The following GRHL2 variants were observed in gnomAD, a reference collection of about 807,000 sequenced individuals.
GRHL2 encodes grainyhead like transcription factor 2, also known as grainyhead-like protein 2 homolog.
GRHL2 carries 21 observed loss-of-function variants against 83.8 expected under a neutral mutation model. The observed-to-expected ratio is 0.25, with a 90% CI of 0.18 to 0.36. The LOEUF is 0.36. Ranked by LOEUF, GRHL2 falls within the 10% of genes least tolerant of loss-of-function variation. The probability of loss-of-function intolerance (pLI) is 1.00; values close to 1 mark genes in which losing one functional copy is unlikely to be tolerated. For synonymous variants in GRHL2, 280 were observed against 278.9 expected (o/e 1.00, Z -0.04); for missense variants, 623 against 781.8 (o/e 0.80, Z 2.42).
chr8:101,608,631 A>C (rs1324885115), intron 8 of GRHL2, among the ~76,000 whole-genome samples: 1 of 151,484 alleles, frequency 6.6e-6, no homozygotes, highest in African/African-American at 2.4e-5. Flanking sequence ...TTAAAATTTC[A>C]AGTGAAAAGT....
chr8:101,662,869 A>ATATG (rs1813952892), intron 14 of GRHL2, among the ~76,000 whole-genome samples: 4 of 118,364 alleles, frequency 3.4e-5, no homozygotes, highest in African/African-American at 1.1e-4. Context: ...ACATATATAT[A>ATATG]CATATATATA....
At chr8:101,537,138 G>C (rs555170094) in intron 1 of GRHL2, among the ~76,000 whole-genome samples, 13 of 152,258 alleles carry the variant, frequency 8.5e-5, no homozygotes, top group African/African-American at 3.1e-4. Context: ...AGTATTCCAT[G>C]ATGTATATGT....
intron 1 of GRHL2, among the ~76,000 whole-genome samples, chr8:101,533,118 G>A (rs1026672142): frequency 6.6e-6 from 1 of 152,040 alleles, no homozygotes; most frequent in African/African-American, 2.4e-5. Flanking sequence ...CACATTTAAG[G>A]AGAATAGAAG....
In GRHL2 at chr8:101,532,735, C is replaced by T. The variant is rs546030205; in HGVS notation, c.21-10506C>T. Among the ~76,000 whole-genome samples the T allele has an allele frequency of 1.9e-3, 277 of 144,674 alleles. 1 individual carries two copies. The highest frequency in any genetic ancestry group is 3.2e-3 in the Non-Finnish European group (210 of 66,520). The allele number at this position is 144,674 out of a possible 152,430, so 94.9% of individuals were successfully genotyped here. A position where few individuals can be genotyped will look rare whatever the true frequency, so the allele number is the denominator to read the frequency against. ...TGCCACTGCACTCCAGCCTGGGGGA[C>T]AGAGCGAGACTCCATCTCACAAAAA... On this transcript the variant is annotated intron_variant, in intron 1 of 15. Coordinates refer to ENST00000646743, the MANE Select transcript of GRHL2 (RefSeq NM_024915.4).
At chr8:101,542,218 T>C (rs1811168038) in intron 1 of GRHL2, among the ~76,000 whole-genome samples, 1 of 152,198 alleles carries the variant, frequency 6.6e-6, no homozygotes. Flanking sequence ...ATATTTATAA[T>C]GAGAACTCAG....
chr8:101,635,007 C>T lies in GRHL2; in HGVS notation c.1486-1890C>T, dbSNP rs747834875. On this transcript the variant is annotated intron_variant, in intron 11 of 15. Transcript: ENST00000646743. The stretch of plus-strand genomic sequence containing the variant: ...GATTGGGAAAAATGGTGGGATGCAG[C>T]GGCATCATCTTTTTAGATAATGTCT... Among the ~76,000 whole-genome samples the T allele has an allele frequency of 2.0e-5, 3 of 152,252 alleles. No homozygotes were observed. The South Asian group carries it at 6.2e-4, about 32-fold the overall frequency.
intron 8 of GRHL2, among the ~76,000 whole-genome samples, chr8:101,603,344 A>G (rs1024209828): frequency 6.6e-6 from 1 of 152,236 alleles, no homozygotes; most frequent in African/African-American, 2.4e-5. Context: ...TTAAAAAACA[A>G]AAAACAAAAA....
At chr8:101,659,156 T>G (rs4734036) in intron 14 of GRHL2, among the ~76,000 whole-genome samples, 47,123 of 152,102 alleles carry the variant, frequency 0.31, 7,794 homozygotes, top group African/African-American at 0.41. Context: ...TGGGTGAGAC[T>G]AATAACAACT....
Position 101,506,580 on chromosome 8 carries a change from T to G in GRHL2, c.20+13791T>G, listed in dbSNP as rs572661585. On this transcript the variant is annotated intron_variant, in intron 1 of 15. Transcript: ENST00000646743. ...AATCTACCACCTCCTATTTTTAATA[T>G]TTATGTTGTTTTGACTTTTCAGTAT... Among the ~76,000 whole-genome samples the G allele has an allele frequency of 3.3e-5, 5 of 152,344 alleles. No homozygotes were observed. The East Asian group carries it at 9.6e-4, about 29-fold the overall frequency.
At chr8:101,505,882 A>G (rs1810331165) in intron 1 of GRHL2, among the ~76,000 whole-genome samples, 1 of 152,144 alleles carries the variant, frequency 6.6e-6, no homozygotes, top group Admixed American at 6.5e-5. Flanking sequence ...GCAATAAAAT[A>G]CCCATGTGGT....
At chr8:101,663,083 T>C (rs910113153) in intron 14 of GRHL2, among the ~76,000 whole-genome samples, 2 of 152,192 alleles carry the variant, frequency 1.3e-5, no homozygotes, top group Admixed American at 6.5e-5. Flanking sequence ...TCCTAAACAG[T>C]GATGCTTTGA....
chr8:101,589,028 T>A (rs1313377039), intron 7 of GRHL2, among the ~76,000 whole-genome samples: 2 of 152,216 alleles, frequency 1.3e-5, no homozygotes, highest in Non-Finnish European at 2.9e-5. Context: ...TTACTGCTGA[T>A]TAACCACTTT....
chr8:101,552,416 C>T (rs1471078843), intron 2 of GRHL2, among the ~76,000 whole-genome samples: 1 of 152,250 alleles, frequency 6.6e-6, no homozygotes, highest in East Asian at 1.9e-4. Flanking sequence ...CCCTCTTACA[C>T]TCCCAAGGTG....
At chr8:101,548,148 T>C (rs1811303012) in intron 2 of GRHL2, among the ~76,000 whole-genome samples, 1 of 152,178 alleles carries the variant, frequency 6.6e-6, no homozygotes, top group Non-Finnish European at 1.5e-5. Flanking sequence ...TATCCATCTA[T>C]CCATCTATCC....
chr8:101,645,134 T>A lies in GRHL2; in HGVS notation c.1612+909T>A, dbSNP rs1239906647. On this transcript the variant is annotated intron_variant, in intron 13 of 15. Transcript: ENST00000646743. ...GTACAGAATTTTTTTTTTTTTTTTTTTTTTTTTTTTTTTTTTTTTGACAAA... is the reference window on the plus strand; with the variant it reads ...GTACAGAATTTTTTTTTTTTTTTTTATTTTTTTTTTTTTTTTTTTGACAAA... Among the ~76,000 whole-genome samples the A allele has an allele frequency of 3.1e-4, 4 of 12,856 alleles. 1 individual carries two copies. In the Admixed American group the frequency reaches 3.2e-3, roughly 10 times the overall value. The allele number at this position is 12,856 out of a possible 152,430, so 8.4% of individuals were successfully genotyped here. A position where few individuals can be genotyped will look rare whatever the true frequency, so the allele number is the denominator to read the frequency against.
Position 101,562,139 on chromosome 8 carries a change from CT to C in GRHL2, c.678+3328del, listed in dbSNP as rs35102828. The C allele has an allele frequency of 0.014, 9,352 of 647,638 alleles. 588 individuals are homozygous for C. In the African/African-American group the frequency reaches 0.15, roughly 10 times the overall value. The allele number at this position is 647,638 out of a possible 1,614,324, so 40.1% of individuals were successfully genotyped here. ...TCTTTGATATCCTGAACTTTTGTAG[CT>C]CTTTATTTTTCTTCGATCTGTTCAT... On this transcript the variant is annotated intron_variant, in intron 4 of 15. Coordinates refer to ENST00000646743, the MANE Select transcript of GRHL2 (RefSeq NM_024915.4).
intron 4 of GRHL2, among the ~76,000 whole-genome samples, chr8:101,563,282 A>G (rs1398736329): frequency 6.6e-6 from 1 of 152,212 alleles, no homozygotes; most frequent in African/African-American, 2.4e-5. Flanking sequence ...CTAATTCTCA[A>G]TAGTTCCATT....
chr8:101,661,334 G>T (rs1341168279), intron 14 of GRHL2, among the ~76,000 whole-genome samples: 3 of 152,050 alleles, frequency 2.0e-5, no homozygotes, highest in African/African-American at 7.3e-5. Flanking sequence ...CCATTTGGAT[G>T]CATTTGCTAT....
chr8:101,636,139 A>G (rs1445579302), intron 11 of GRHL2, among the ~76,000 whole-genome samples: 1 of 152,250 alleles, frequency 6.6e-6, no homozygotes, highest in Non-Finnish European at 1.5e-5. Context: ...AATTGGGTCA[A>G]GAGGACATAT....
Sources: gnomAD v4.1 joint callset for allele counts (sites outside exome capture counted in the v4.1 genomes callset) on GRCh38, gnomAD v4.1.1 for gene constraint, MANE v1.5 for transcripts, NCBI Gene and HGNC (gene_info 2026-07-23, HGNC 2026-07-21) for gene names.